Variants in PKHD1L1 observed in about 807,000 individuals in gnomAD.
The protein encoded by PKHD1L1 is PKHD1 like 1.
A neutral mutation model predicts 462.9 loss-of-function variants in PKHD1L1; 434 were observed. That is an observed-to-expected ratio of 0.94 (90% CI 0.87 to 1.02). PKHD1L1 has a LOEUF of 1.02. Among genes scored for constraint, PKHD1L1 ranks in the 50% least tolerant of loss-of-function variants. The pLI, the probability that PKHD1L1 is intolerant of heterozygous loss-of-function variation, is 0.00. For synonymous variants in PKHD1L1, 1,781 were observed against 1,750.0 expected (o/e 1.02, Z -0.44); for missense variants, 5,202 against 5,096.1 (o/e 1.02, Z -0.63).
intron 72 of PKHD1L1, among the ~76,000 whole-genome samples, chr8:109,516,060 A>G (rs1052861740): frequency 6.6e-6 from 1 of 152,152 alleles, no homozygotes; most frequent in Non-Finnish European, 1.5e-5. Context: ...ATTCCTACTA[A>G]TAACATGAAC....
In PKHD1L1 at chr8:109,522,821, T is replaced by C; in HGVS notation, c.12261T>C (p.Thr4087=). The change falls in exon 75 of 78, where the codon ACT becomes ACC. Residue 4087 remains threonine (T), a synonymous_variant. Transcript: ENST00000378402. ...VAFVSSLLVI[T]QPVAAQPGQP... is the part of the protein sequence containing the mutation. ...TCGTGTCCTCACTCTTAGTGATCAC[T>C]CAGCCGGTGGCAGCACAGCCAGGAC... 6.2e-7 allele frequency: 1 copy of C among 1,612,400 alleles called. No homozygotes were observed. The highest frequency in any genetic ancestry group is 8.5e-7 in the Non-Finnish European group (1 of 1,179,408).
rs1279458158 is a variant in PKHD1L1 at position 109,532,666 on chromosome 8, A to C, written c.*2576A>C. On this transcript the variant is annotated 3_prime_UTR_variant, in exon 78 of 78. Coordinates refer to ENST00000378402, the MANE Select transcript of PKHD1L1 (RefSeq NM_177531.6). ...ATTTTGGTCAAAGTAAGAAACAGAG[A>C]ATAAAAAGTTAATAAGAATAGCTTC... Among the ~76,000 whole-genome samples, 1 of 152,194 alleles carries C rather than the reference A, an allele frequency of 6.6e-6. No individual in the cohort carries two copies. Among genetic ancestry groups the C allele is most frequent in the Non-Finnish European group, 1.5e-5 (1 of 68,016 alleles).
chr8:109,479,392 A>T (rs1442350147), intron 53 of PKHD1L1, among the ~76,000 whole-genome samples, 159 bp from the exon 54 acceptor site: 1 of 151,834 alleles, frequency 6.6e-6, no homozygotes. Flanking sequence ...CCCATGAAAT[A>T]GCACCATGTG....
chr8:109,526,694 G>A (rs1281844248), intron 76 of PKHD1L1, 90 bp from the exon 77 acceptor site: 7 of 1,118,616 alleles, frequency 6.3e-6, no homozygotes, highest in Admixed American at 2.5e-5. Flanking sequence ...TCTATATAGT[G>A]TTTTTCAGTC....
intron 48 of PKHD1L1, among the ~76,000 whole-genome samples, chr8:109,463,073 T>C (rs542502878): frequency 2.2e-4 from 34 of 152,148 alleles, no homozygotes; most frequent in Non-Finnish European, 4.7e-4. Context: ...TAAGCTCTAT[T>C]ATTTTACAGA....
chr8:109,367,921 C>G (rs1273778345), intron 2 of PKHD1L1, among the ~76,000 whole-genome samples: 2 of 152,122 alleles, frequency 1.3e-5, no homozygotes, highest in Admixed American at 1.3e-4. Flanking sequence ...AATAAAACCT[C>G]ACAAGACTAT....
intron 3 of PKHD1L1, among the ~76,000 whole-genome samples, chr8:109,382,133 A>G (rs1812153207): frequency 6.6e-6 from 1 of 152,158 alleles, no homozygotes; most frequent in African/African-American, 2.4e-5. Flanking sequence ...CAAAGCATGG[A>G]ATAACTGATT....
intron 2 of PKHD1L1, among the ~76,000 whole-genome samples, chr8:109,379,945 T>C (rs1346573058): frequency 5.9e-5 from 9 of 152,172 alleles, no homozygotes; most frequent in African/African-American, 2.2e-4. Flanking sequence ...CTTGGCTTCA[T>C]GTCCAGTGAT....
At chr8:109,442,315 T>C in intron 35 of PKHD1L1, 120 bp downstream of exon 35, 1 of 986,068 alleles carries the variant, frequency 1.0e-6, no homozygotes, top group Non-Finnish European at 1.4e-6. Flanking sequence ...ATGCGTAAGG[T>C]ATTTGGCATT....
intron 50 of PKHD1L1, chr8:109,470,592 T>C (rs1261662857): frequency 2.5e-6 from 4 of 1,583,690 alleles, no homozygotes; most frequent in Non-Finnish European, 3.4e-6. Context: ...AGCCTACTGA[T>C]GTTGTTGATA....
Position 109,362,495 on chromosome 8 carries a change from C to A in PKHD1L1, c.-86C>A. On this transcript the variant is annotated 5_prime_UTR_variant, in exon 1 of 78. Transcript: ENST00000378402. ...CTCTCCCGGGACGAAGCGGGCCCGC[C>A]AGCGAGTCGCAGTCCCAGGAGCCGA... 7.4e-7 allele frequency: 1 copy of A among 1,346,560 alleles called. No homozygotes were observed. Among genetic ancestry groups the A allele is most frequent in the Non-Finnish European group, 1.0e-6 (1 of 963,780 alleles). 83.4% of individuals were successfully genotyped at this position (1,346,560 alleles called of 1,614,324 possible).
intron 2 of PKHD1L1, among the ~76,000 whole-genome samples, chr8:109,374,828 C>T (rs1586376452): frequency 6.6e-6 from 1 of 152,082 alleles, no homozygotes; most frequent in Non-Finnish European, 1.5e-5. Flanking sequence ...GAATATTGGC[C>T]CCCACTCTCT....
intron 38 of PKHD1L1, 123 bp downstream of exon 38, chr8:109,445,768 T>A: frequency 2.0e-6 from 2 of 1,023,068 alleles, no homozygotes; most frequent in Non-Finnish European, 2.8e-6. Context: ...CACTTACACT[T>A]AATACCTGGG....
chr8:109,489,850 G>T (rs1327336223), intron 59 of PKHD1L1, 102 bp from the exon 60 acceptor site: 6 of 749,402 alleles, frequency 8.0e-6, no homozygotes, highest in South Asian at 1.6e-5. Context: ...AAAGAATAAT[G>T]ATTTTTTCAT....
intron 40 of PKHD1L1, 56 bp from the exon 41 acceptor site, chr8:109,450,919 G>T (rs931358153): frequency 1.3e-6 from 2 of 1,498,690 alleles, no homozygotes; most frequent in Non-Finnish European, 1.8e-6. Context: ...GGAGGTTTTG[G>T]AAATGAATCA....
At position 109,413,532 on chromosome 8, in the gene PKHD1L1, G is replaced by T; in HGVS notation, c.2347G>T (p.Ala783Ser). The change falls in exon 21 of 78, where the codon GCT becomes TCT. Residue 783 changes from alanine (A) to serine (S), a missense_variant. Transcript: ENST00000378402. Reference sequence around the variant, plus strand: ...TGATACACAGTTTACATACAACTTTGCTTATGGAAACAAGTAAGTTACGCT... The same window carrying T: ...TGATACACAGTTTACATACAACTTTTCTTATGGAAACAAGTAAGTTACGCT... ...STDTQFTYNF[A>S]YGNNWTYTCI... 1 of 1,529,646 alleles carries T rather than the reference G, an allele frequency of 6.5e-7. No individual in the cohort carries two copies. The highest frequency in any genetic ancestry group is 8.8e-7 in the Non-Finnish European group (1 of 1,137,504). 94.8% of individuals were successfully genotyped at this position (1,529,646 alleles called of 1,614,324 possible).
intron 2 of PKHD1L1, among the ~76,000 whole-genome samples, chr8:109,380,578 A>G (rs188331832): frequency 1.4e-3 from 211 of 152,314 alleles, no homozygotes; most frequent in African/African-American, 5.0e-3. Context: ...AGAAAAAGTT[A>G]CTTCCCCCAG....
In PKHD1L1 at chr8:109,497,039, C is replaced by T. The variant is rs776278551; in HGVS notation, c.10448C>T (p.Thr3483Ile). ...CTTATACAAGGATTTACCATTTGGA[C>T]ATGCTGGGATTATGGAATTTATTTT... The part of the protein sequence containing the change: ...CSLIQGFTIW[T>I]CWDYGIYFQT... Residue 3483 changes from threonine (T) to isoleucine (I), a missense_variant, in exon 64 of 78, where the codon ACA becomes ATA. Physicochemically the swap from Thr to Ile is moderately conservative, Grantham distance 89 (BLOSUM62 -1). This residue lies in a region of PKHD1L1 where 4,497 missense variants were observed against 4,336.8 expected (regional missense o/e 1.04). Coordinates refer to ENST00000378402, the MANE Select transcript of PKHD1L1 (RefSeq NM_177531.6). The T allele has an allele frequency of 4.3e-6, 7 of 1,613,562 alleles. No homozygotes were observed. The highest frequency in any genetic ancestry group is 5.9e-6 in the Non-Finnish European group (7 of 1,179,602).
At position 109,430,021 on chromosome 8, in the gene PKHD1L1, G is replaced by A. The variant is rs370844795; in HGVS notation, c.3213G>A (p.Ala1071=). ...WDSNITPLVL[A]ISPSQGSYEE... is the part of the protein sequence containing the mutation. ...CCAACATTACTCCCCTAGTCTTGGC[G>A]ATAAGCCCTTCTCAAGGTAACTTCC... is the stretch of plus-strand genomic sequence containing the variant. Residue 1071 remains alanine, a synonymous_variant, in exon 27 of 78, where the codon GCG becomes GCA. Coordinates refer to ENST00000378402, the MANE Select transcript of PKHD1L1 (RefSeq NM_177531.6). 239 of 1,606,422 alleles carry A rather than the reference G, an allele frequency of 1.5e-4. 2 individuals are homozygous for A. In the Middle Eastern group the frequency reaches 1.8e-3, roughly 12 times the overall value.
Sources: allele counts gnomAD v4.1 joint callset (sites outside exome capture counted in the v4.1 genomes callset), GRCh38; gene constraint gnomAD v4.1.1; regional missense constraint gnomAD v4.1.1; transcripts MANE v1.5; gene names NCBI Gene and HGNC (gene_info 2026-07-23, HGNC 2026-07-21).